ZNF711: variants seen among roughly 807,000 people sequenced by gnomAD.
ZNF711 encodes ZFX family zinc finger ZNF711.
Under a neutral mutation model 43.5 loss-of-function variants are expected in ZNF711, and 3 were observed. The observed-to-expected ratio is 0.07, with a 90% CI of 0.03 to 0.18. The LOEUF (loss-of-function observed/expected upper bound fraction) is 0.18, where lower values mean the gene tolerates loss of function less well. ZNF711 is among the 10% of genes least tolerant of loss of function. ZNF711 has a pLI of 1.00. For synonymous variants in ZNF711, 209 were observed against 207.7 expected (o/e 1.01, Z -0.06); for missense variants, 412 against 604.0 (o/e 0.68, Z 3.33).
chrX:85,263,277 G>T (rs1930822766), intron 5 of ZNF711, among the ~76,000 whole-genome samples: 1 of 110,806 alleles, frequency 9.0e-6, no homozygotes, highest in South Asian at 3.7e-4. Flanking sequence ...ATACAGTGGA[G>T]AATCAAAAAT....
At chrX:85,247,872 G>T (rs1409260498) in intron 4 of ZNF711, among the ~76,000 whole-genome samples, 1 of 110,850 alleles carries the variant, frequency 9.0e-6, no homozygotes, top group African/African-American at 3.3e-5. Context: ...TTGAAATATG[G>T]TGGTAATATG....
intron 2 of ZNF711, among the ~76,000 whole-genome samples, chrX:85,246,401 A>G (rs181478784): frequency 2.3e-4 from 26 of 112,514 alleles, no homozygotes; most frequent in Non-Finnish European, 3.8e-4. Context: ...CTTCTGTAGC[A>G]TATTTATGTA....
intron 4 of ZNF711, among the ~76,000 whole-genome samples, chrX:85,248,173 T>TAAAAAAA (rs1441888522): frequency 1.8e-4 from 18 of 99,244 alleles, no homozygotes; most frequent in Non-Finnish European, 3.5e-4. Flanking sequence ...TTTTTTTTTT[T>TAAAAAAA]AAAAAAAAAA....
intron 5 of ZNF711, among the ~76,000 whole-genome samples, chrX:85,262,322 A>G (rs17325054): frequency 0.11 from 12,548 of 110,246 alleles, 589 homozygotes; most frequent in South Asian, 0.17. Context: ...AGCTTATCCC[A>G]GAAGGAACTG....
chrX:85,257,548 A>G (rs1410964209), intron 5 of ZNF711, among the ~76,000 whole-genome samples: 2 of 112,172 alleles, frequency 1.8e-5, no homozygotes, highest in African/African-American at 3.2e-5. Flanking sequence ...TATATGTACC[A>G]CATTTCCTTT....
intron 7 of ZNF711, among the ~76,000 whole-genome samples, chrX:85,265,556 C>T (rs770299445): frequency 2.3e-3 from 255 of 110,668 alleles, no homozygotes; most frequent in African/African-American, 7.9e-3. Flanking sequence ...TACTGAGTAC[C>T]TACTTTCTGT....
chrX:85,271,822 T>G lies in ZNF711; in HGVS notation c.2418T>G (p.Leu806=), dbSNP rs201619616. ...QHIMRHHKEA[L]M Reference sequence around the variant, plus strand: ...TTATGAGGCACCACAAAGAGGCTCTTATGTAATAAGATCAATATAAAGAAA... The same window carrying G: ...TTATGAGGCACCACAAAGAGGCTCTGATGTAATAAGATCAATATAAAGAAA... The change falls in exon 11 of 11, where the codon CTT becomes CTG. Residue 806 remains leucine (L), a synonymous_variant. Transcript: ENST00000674551. 2.5e-6 allele frequency: 3 copies of G among 1,199,246 alleles called. No individual in the cohort carries two copies. The highest frequency in any genetic ancestry group is 3.5e-5 in the African/African-American group (2 of 57,082).
intron 5 of ZNF711, among the ~76,000 whole-genome samples, chrX:85,260,957 C>T (rs1930590626): frequency 9.0e-6 from 1 of 111,247 alleles, no homozygotes; most frequent in African/African-American, 3.3e-5. Flanking sequence ...GTATCATATT[C>T]TGTATTCTTA....
At chrX:85,261,752 C>A (rs1930667559) in intron 5 of ZNF711, among the ~76,000 whole-genome samples, 1 of 110,814 alleles carries the variant, frequency 9.0e-6, no homozygotes, top group Non-Finnish European at 1.9e-5. Context: ...ATATTTAGTG[C>A]CAGAAGAATT....
At chrX:85,246,411 A>G (rs1162690056) in intron 2 of ZNF711, among the ~76,000 whole-genome samples, 2 of 112,424 alleles carry the variant, frequency 1.8e-5, no homozygotes, top group Non-Finnish European at 3.8e-5. Flanking sequence ...ATATTTATGT[A>G]TATACCTGAA....
rs1603011494 is a variant in ZNF711 at position 85,273,177 on chromosome X, G to C, written c.*1349G>C. On this transcript the variant is annotated 3_prime_UTR_variant, in exon 11 of 11. Coordinates refer to ENST00000674551, the MANE Select transcript of ZNF711 (RefSeq NM_001330574.2). ...CACCAGATAAGAATCAGTTCCTTGAGAATAAATTTTTTATCTTTCTTAACT... is the reference window on the plus strand; with the variant it reads ...CACCAGATAAGAATCAGTTCCTTGACAATAAATTTTTTATCTTTCTTAACT... 1 of 111,723 alleles carries C rather than the reference G, an allele frequency of 9.0e-6. No individual in the cohort carries two copies. The highest frequency in any genetic ancestry group is 2.8e-4 in the East Asian group (1 of 3,528). 9.2% of individuals were successfully genotyped at this position (111,723 alleles called of 1,213,427 possible).
intron 5 of ZNF711, among the ~76,000 whole-genome samples, chrX:85,260,832 A>G (rs1484576407): frequency 9.0e-6 from 1 of 110,576 alleles, no homozygotes; most frequent in African/African-American, 3.3e-5. Flanking sequence ...TGACATACAC[A>G]CAGTTGAAAA....
chrX:85,270,572 A>G (rs1931496129), intron 10 of ZNF711, 79 bp from the exon 11 acceptor site: 5 of 852,555 alleles, frequency 5.9e-6, no homozygotes, highest in South Asian at 2.2e-5. Flanking sequence ...GTGAATGCCA[A>G]CTAGTTTTGG....
chrX:85,251,382 G>T (rs1475009435), intron 4 of ZNF711, among the ~76,000 whole-genome samples: 1 of 111,670 alleles, frequency 9.0e-6, no homozygotes, highest in African/African-American at 3.3e-5. Context: ...GAATTTAATA[G>T]TTGTTTAAGA....
intron 4 of ZNF711, among the ~76,000 whole-genome samples, chrX:85,252,918 A>G (rs191623173): frequency 1.8e-3 from 206 of 112,139 alleles, no homozygotes; most frequent in African/African-American, 6.2e-3. Flanking sequence ...TAACTTGGTA[A>G]CTAACTTCCA....
intron 10 of ZNF711, among the ~76,000 whole-genome samples, 178 bp downstream of exon 10, chrX:85,270,324 T>C (rs898652255): frequency 4.6e-5 from 5 of 108,738 alleles, no homozygotes; most frequent in African/African-American, 1.3e-4. Flanking sequence ...TTAATAAAAC[T>C]ATGCTTGTTT....
chrX:85,248,307 A>G (rs1346814398), intron 4 of ZNF711, among the ~76,000 whole-genome samples: 3 of 108,429 alleles, frequency 2.8e-5, no homozygotes, highest in Admixed American at 2.0e-4. Context: ...GTCTCTACTA[A>G]AAGTACAAAA....
At chrX:85,246,057 T>G (rs1929018994) in intron 2 of ZNF711, 35 bp downstream of exon 2, 1 of 112,411 alleles carries the variant, frequency 8.9e-6, no homozygotes, top group Admixed American at 9.4e-5. Context: ...TTATCTTATT[T>G]AACAGTTAAA....
In ZNF711 at chrX:85,250,470, TTTAA is replaced by T. The variant is rs781046154; in HGVS notation, c.79+2822_79+2825del. On this transcript the variant is annotated intron_variant, in intron 4 of 10. Transcript: ENST00000674551. ...CATTTAAAGCCCTCTCTAAAATGAA[TTTAA>T]TTGAGTAAACTGATTTGTATCAGAA... 8.9e-5 allele frequency among the ~76,000 whole-genome samples: 10 copies of T among 112,088 alleles called. No individual in the cohort carries two copies. In the East Asian group the frequency reaches 2.8e-3, roughly 31 times the overall value.
Sources: allele counts gnomAD v4.1 joint callset (sites outside exome capture counted in the v4.1 genomes callset), GRCh38; gene constraint gnomAD v4.1.1; transcripts MANE v1.5; gene names NCBI Gene and HGNC (gene_info 2026-07-23, HGNC 2026-07-21).